Variants in PPFIBP2 observed in about 807,000 individuals in gnomAD.
PPFIBP2 encodes the protein PPFIB scaffold protein 2, also known as liprin-beta-2.
A neutral mutation model predicts 118.3 loss-of-function variants in PPFIBP2; 118 were observed. The observed-to-expected ratio is 1.00, with a 90% CI of 0.86 to 1.16. The LOEUF is 1.16. PPFIBP2 is among the 50% of genes most tolerant of loss of function. The pLI is 0.00. For missense variants in PPFIBP2, 1,195 were observed against 1,073.1 expected, an observed-to-expected ratio of 1.11 and a Z score of -1.59; for synonymous variants, 414 against 397.4, an observed-to-expected ratio of 1.04 and a Z score of -0.50.
At chr11:7,590,333 C>T (rs972904772) in intron 3 of PPFIBP2, among the ~76,000 whole-genome samples, 2 of 152,136 alleles carry the variant, frequency 1.3e-5, no homozygotes, top group Non-Finnish European at 2.9e-5. Flanking sequence ...CCATCTGGAA[C>T]ATTATCTTTC....
chr11:7,652,928 C>A, intron 23 of PPFIBP2, 96 bp from the exon 24 acceptor site: 2 of 1,373,832 alleles, frequency 1.5e-6, no homozygotes, highest in Non-Finnish European at 2.0e-6. Flanking sequence ...TATTCCTCTC[C>A]TTGAGTGCCT....
chr11:7,639,192 A>T (rs1851813922), intron 14 of PPFIBP2, among the ~76,000 whole-genome samples: 1 of 152,160 alleles, frequency 6.6e-6, no homozygotes, highest in Non-Finnish European at 1.5e-5. Context: ...GGTCTGAGTA[A>T]GGGTTCCAAT....
At chr11:7,545,530 C>T (rs1852235729) in intron 1 of PPFIBP2, among the ~76,000 whole-genome samples, 1 of 152,204 alleles carries the variant, frequency 6.6e-6, no homozygotes, top group Non-Finnish European at 1.5e-5. Context: ...TTGTTAATCT[C>T]TTACTGTGCC....
intron 14 of PPFIBP2, among the ~76,000 whole-genome samples, chr11:7,636,793 A>G (rs1851513298): frequency 6.6e-6 from 1 of 152,134 alleles, no homozygotes. Context: ...CATAATCACA[A>G]TCTTATACAA....
intron 3 of PPFIBP2, among the ~76,000 whole-genome samples, chr11:7,584,775 T>C (rs555789450): frequency 3.3e-5 from 5 of 152,320 alleles, no homozygotes; most frequent in African/African-American, 1.2e-4. Context: ...TTTTAAGGTT[T>C]ATGTCTTCTA....
Position 7,561,505 on chromosome 11 carries a change from C to T in PPFIBP2, c.65-4048C>T, listed in dbSNP as rs369024409. On this transcript the variant is annotated intron_variant, in intron 2 of 23. Coordinates refer to ENST00000299492, the MANE Select transcript of PPFIBP2 (RefSeq NM_003621.5). ...GTGCCTATAAAATCTTCCTCTCACTCAGTTTTGACCTATCTTCTCTTTGTA... is the reference window on the plus strand; with the variant it reads ...GTGCCTATAAAATCTTCCTCTCACTTAGTTTTGACCTATCTTCTCTTTGTA... Among the ~76,000 whole-genome samples the T allele has an allele frequency of 2.8e-4, 42 of 152,270 alleles. No homozygotes were observed. The South Asian group carries it at 8.7e-3, about 32-fold the overall frequency.
chr11:7,666,723 C>G, the PPFIBP2 span: 2 of 523,198 alleles, frequency 3.8e-6, no homozygotes, highest in Non-Finnish European at 6.9e-6. Flanking sequence ...AGCTCAAACC[C>G]TTTGTTTTGT....
chr11:7,514,444 C>T (rs1849053821), intron 1 of PPFIBP2, among the ~76,000 whole-genome samples: 1 of 152,160 alleles, frequency 6.6e-6, no homozygotes, highest in African/African-American at 2.4e-5. Flanking sequence ...AGGTGGGGTC[C>T]CTGAGTTCTG....
chr11:7,549,613 T>A (rs1224071229), intron 2 of PPFIBP2, 74 bp downstream of exon 2: 1 of 1,300,012 alleles, frequency 7.7e-7, no homozygotes, highest in African/African-American at 1.6e-5. Context: ...CTTTTACTTT[T>A]TTTTTTTTTT....
At chr11:7,630,869 T>C (rs576845830) in intron 10 of PPFIBP2, 56 bp from the exon 11 acceptor site, 143 of 1,273,540 alleles carry the variant, frequency 1.1e-4, no homozygotes, top group Admixed American at 9.6e-4. Context: ...GTGGTACGAT[T>C]ATAGGTTTCT....
At chr11:7,584,411 G>C (rs1857750447) in intron 3 of PPFIBP2, among the ~76,000 whole-genome samples, 1 of 152,126 alleles carries the variant, frequency 6.6e-6, no homozygotes, top group African/African-American at 2.4e-5. Flanking sequence ...GGTCAGGATA[G>C]GCTTTCTCTT....
Position 7,537,453 on chromosome 11 carries a change from A to G in PPFIBP2, c.-36-11987A>G, listed in dbSNP as rs540927850. Among the ~76,000 whole-genome samples, 11 of 152,312 alleles carry G rather than the reference A, an allele frequency of 7.2e-5. No homozygotes were observed. The South Asian group carries it at 2.3e-3, about 32-fold the overall frequency. ...CACAGGCTCGAAATAATTCACCATCATCTTGATCTATTGTGAATGGCTGTG... is the reference window on the plus strand; with the variant it reads ...CACAGGCTCGAAATAATTCACCATCGTCTTGATCTATTGTGAATGGCTGTG... On this transcript the variant is annotated intron_variant, in intron 1 of 23. Transcript: ENST00000299492.
intron 15 of PPFIBP2, among the ~76,000 whole-genome samples, chr11:7,640,601 G>C (rs747633086): frequency 1.2e-4 from 19 of 152,168 alleles, no homozygotes; most frequent in Non-Finnish European, 2.1e-4. Context: ...GGCCAGCTCT[G>C]CCGTTGGCTG....
intron 3 of PPFIBP2, among the ~76,000 whole-genome samples, chr11:7,585,870 A>G (rs1157592094): frequency 6.6e-6 from 1 of 152,264 alleles, no homozygotes; most frequent in Admixed American, 6.5e-5. Context: ...TGGAACAGAA[A>G]TAAAAACCCA....
Position 7,635,690 on chromosome 11 carries a change from C to T in PPFIBP2, c.1236+97C>T, listed in dbSNP as rs1263337859. The T allele has an allele frequency of 3.7e-6, 5 of 1,353,552 alleles. No individual in the cohort carries two copies. The Admixed American group carries it at 8.6e-5, about 23-fold the overall frequency. 83.8% of individuals were successfully genotyped at this position (1,353,552 alleles called of 1,614,324 possible). ...TAGTTTTCATAACCTTAAAATGTGC[C>T]AACTGTAAGGAGTAAGAGGGCAAGA... On this transcript the variant is annotated intron_variant, in intron 14 of 23. Coordinates refer to ENST00000299492, the MANE Select transcript of PPFIBP2 (RefSeq NM_003621.5).
chr11:7,526,777 C>G (rs188447120), intron 1 of PPFIBP2, among the ~76,000 whole-genome samples: 39 of 152,078 alleles, frequency 2.6e-4, no homozygotes, highest in Non-Finnish European at 4.4e-5. Flanking sequence ...GGCTGAACAT[C>G]CCACTTAGTG....
chr11:7,654,024 A>G (rs1854453303), downstream of PPFIBP2, among the ~76,000 whole-genome samples: 1 of 152,186 alleles, frequency 6.6e-6, no homozygotes, highest in Admixed American at 6.5e-5. Flanking sequence ...TCCTGACCAT[A>G]GGGTCCATCT....
At chr11:7,564,275 T>C (rs895579526) in intron 2 of PPFIBP2, among the ~76,000 whole-genome samples, 2 of 152,188 alleles carry the variant, frequency 1.3e-5, no homozygotes. Flanking sequence ...TCTCTCTAGA[T>C]ACTCATTCAG....
intron 2 of PPFIBP2, among the ~76,000 whole-genome samples, chr11:7,550,918 A>C (rs533073662): frequency 1.3e-5 from 2 of 152,196 alleles, no homozygotes; most frequent in East Asian, 3.9e-4. Flanking sequence ...TCAGACTTCA[A>C]GTTCTTCAGC....
Sources: gnomAD v4.1 joint callset for allele counts (sites outside exome capture counted in the v4.1 genomes callset) on GRCh38, gnomAD v4.1.1 for gene constraint, MANE v1.5 for transcripts, NCBI Gene and HGNC (gene_info 2026-07-23, HGNC 2026-07-21) for gene names.